The following PCDHA5 variants were observed in gnomAD, a reference collection of about 807,000 sequenced individuals.
The protein encoded by PCDHA5 is protocadherin alpha-5.
In PCDHA5, 43 loss-of-function variants were observed where a neutral mutation model predicts 61.6. The observed-to-expected ratio is 0.70, with a 90% CI of 0.55 to 0.90. The LOEUF is 0.90. PCDHA5 is among the 40% of genes least tolerant of loss of function. The pLI, the probability that PCDHA5 is intolerant of heterozygous loss-of-function variation, is 0.00. For synonymous variants in PCDHA5, 627 were observed against 543.9 expected, an observed-to-expected ratio of 1.15 and a Z score of -2.13; for missense variants, 1,298 against 1,222.7, an observed-to-expected ratio of 1.06 and a Z score of -0.92.
At chr5:140,843,219 C>T (rs1554139873) in intron 1 of PCDHA5, 1 of 1,596,090 alleles carries the variant, frequency 6.3e-7, no homozygotes, top group East Asian at 2.2e-5. Context: ...GAGATCAGCA[C>T]CACTCGTGTC....
chr5:140,843,779 T>A, intron 1 of PCDHA5: 1 of 1,431,270 alleles, frequency 7.0e-7, no homozygotes, highest in African/African-American at 1.4e-5. Flanking sequence ...ACTTTAAAAG[T>A]GTTTCAGATT....
At chr5:140,920,505 T>C (rs545028033) in intron 1 of PCDHA5, among the ~76,000 whole-genome samples, 1 of 152,344 alleles carries the variant, frequency 6.6e-6, no homozygotes, top group South Asian at 2.1e-4. Flanking sequence ...TTCTACATAC[T>C]GTTTTATGCA....
At chr5:140,951,407 A>C (rs115221257) in intron 1 of PCDHA5, among the ~76,000 whole-genome samples, 1 of 152,068 alleles carries the variant, frequency 6.6e-6, no homozygotes, top group Admixed American at 6.6e-5. Flanking sequence ...AAAGAGGTTT[A>C]ATTGGCTCAC....
chr5:140,834,585 T>A, intron 1 of PCDHA5: 1 of 1,614,126 alleles, frequency 6.2e-7, no homozygotes, highest in Non-Finnish European at 8.5e-7. Flanking sequence ...CCGGGCGGTG[T>A]GCAAATTCCG....
chr5:140,829,498 G>T, intron 1 of PCDHA5: 1 of 1,613,570 alleles, frequency 6.2e-7, no homozygotes, highest in Non-Finnish European at 8.5e-7. Context: ...AGAACAACCC[G>T]CCGGGCTGCC....
intron 1 of PCDHA5, among the ~76,000 whole-genome samples, chr5:140,905,788 G>T (rs1217429620): frequency 2.6e-5 from 4 of 152,046 alleles, no homozygotes; most frequent in Non-Finnish European, 4.4e-5. Flanking sequence ...ATTAGTCAGG[G>T]TTCTCTAGAG....
At chr5:140,883,626 C>T (rs782798960) in intron 1 of PCDHA5, 3 of 1,613,850 alleles carry the variant, frequency 1.9e-6, no homozygotes, top group Non-Finnish European at 2.5e-6. Flanking sequence ...GACAACGCGC[C>T]GGCGTTCGCG....
At chr5:140,871,003 C>G (rs782654281) in intron 1 of PCDHA5, 3 of 1,613,416 alleles carry the variant, frequency 1.9e-6, no homozygotes, top group Non-Finnish European at 2.5e-6. Flanking sequence ...AAGCACAACG[C>G]GTGCCCTGGA....
intron 1 of PCDHA5, among the ~76,000 whole-genome samples, chr5:140,950,537 C>T (rs1439965496): frequency 1.3e-5 from 2 of 152,002 alleles, no homozygotes; most frequent in Non-Finnish European, 1.5e-5. Flanking sequence ...TTTTGTTGCT[C>T]TTGCATGGCT....
At chr5:140,858,285 G>C in intron 1 of PCDHA5, 1 of 1,597,520 alleles carries the variant, frequency 6.3e-7, no homozygotes, top group Non-Finnish European at 8.6e-7. Context: ...GTGGGGAGCT[G>C]GTCTTACTCG....
At chr5:140,926,375 C>G (rs1265113344) in intron 1 of PCDHA5, 1 of 152,328 alleles carries the variant, frequency 6.6e-6, no homozygotes, top group African/African-American at 2.4e-5. Flanking sequence ...CAGGAAGAGC[C>G]CAGCTGGGCT....
intron 1 of PCDHA5, chr5:140,967,333 C>T (rs113984883): frequency 1.9e-6 from 3 of 1,608,148 alleles, no homozygotes; most frequent in Admixed American, 1.7e-5. Context: ...AGCTCAGCCC[C>T]AGCGAGCACT....
At chr5:140,842,527 G>T in intron 1 of PCDHA5, 1 of 1,613,310 alleles carries the variant, frequency 6.2e-7, no homozygotes, top group Non-Finnish European at 8.5e-7. Flanking sequence ...CCACCTTCAA[G>T]AATTACTACT....
rs2150124604 is a variant in PCDHA5 at position 140,823,315 on chromosome 5, G to C, written c.1540G>C (p.Gly514Arg). 2.4e-5 allele frequency: 39 copies of C among 1,612,268 alleles called. No homozygotes were observed. The Admixed American group carries it at 5.5e-4, about 23-fold the overall frequency. The change falls in exon 1 of 4, where the codon GGC becomes CGC. Residue 514 changes from glycine (G) to arginine (R), a missense_variant. Transcript: ENST00000529859. ...TTACGTTTCGGTGCACGCGGAGAGC[G>C]GCAAGGTGTACGCGCTGCAGCCGCT... ...SSYVSVHAES[G>R]KVYALQPLDH...
chr5:141,004,604 C>A (rs1282201587), intron 3 of PCDHA5, among the ~76,000 whole-genome samples: 1 of 152,176 alleles, frequency 6.6e-6, no homozygotes, highest in African/African-American at 2.4e-5. Context: ...GTGCTTAGGC[C>A]TCATGCAGAG....
chr5:140,836,581 G>A (rs1774589898), intron 1 of PCDHA5: 2 of 1,613,662 alleles, frequency 1.2e-6, no homozygotes, highest in African/African-American at 2.7e-5. Flanking sequence ...GGCGCATGTA[G>A]TTTGGTAAAG....
At chr5:140,889,632 C>T (rs265311) in intron 1 of PCDHA5, among the ~76,000 whole-genome samples, 138,318 of 152,176 alleles carry the variant, frequency 0.91, 63,092 homozygotes, top group East Asian at 1. Context: ...CTCTTCTTTT[C>T]ATTTGTGTTT....
At chr5:140,885,677 T>C (rs1554182236) in intron 1 of PCDHA5, among the ~76,000 whole-genome samples, 1 of 152,208 alleles carries the variant, frequency 6.6e-6, no homozygotes, top group African/African-American at 2.4e-5. Context: ...ACTCTTTCTA[T>C]CTCAAGAAGC....
At chr5:140,941,310 CTTCT>C (rs2093024652) in intron 1 of PCDHA5, among the ~76,000 whole-genome samples, 1 of 79,250 alleles carries the variant, frequency 1.3e-5, no homozygotes, top group Non-Finnish European at 2.6e-5. Flanking sequence ...CTTTCTTTTT[CTTCT>C]TTCTCTTTTT....
Sources: gnomAD v4.1 joint callset for allele counts (sites outside exome capture counted in the v4.1 genomes callset) on GRCh38, gnomAD v4.1.1 for gene constraint, MANE v1.5 for transcripts, NCBI Gene and HGNC (gene_info 2026-07-23, HGNC 2026-07-21) for gene names.